PHACTR1: variants seen among roughly 807,000 people sequenced by gnomAD.
PHACTR1 encodes RPEL repeat containing 1.
PHACTR1 carries 16 observed loss-of-function variants against 69.2 expected under a neutral mutation model. The observed-to-expected ratio is 0.23, with a 90% CI of 0.16 to 0.35. The LOEUF (loss-of-function observed/expected upper bound fraction) is 0.35, where lower values mean the gene tolerates loss of function less well. PHACTR1 is among the 10% of genes least tolerant of loss of function. The pLI, the probability that PHACTR1 is intolerant of heterozygous loss-of-function variation, is 1.00. For synonymous variants in PHACTR1, 312 were observed against 284.5 expected (o/e 1.10, Z -0.97); for missense variants, 510 against 734.7 (o/e 0.69, Z 3.54).
chr6:12,832,814 A>G (rs1371908785), intron 4 of PHACTR1, among the ~76,000 whole-genome samples: 1 of 152,156 alleles, frequency 6.6e-6, no homozygotes, highest in Non-Finnish European at 1.5e-5. Flanking sequence ...GCACACAGAT[A>G]TATCAGTAAT....
At chr6:13,080,380 AGT>A in intron 5 of PHACTR1, among the ~76,000 whole-genome samples, 1 of 152,154 alleles carries the variant, frequency 6.6e-6, no homozygotes, top group Non-Finnish European at 1.5e-5. Flanking sequence ...ACCCTATTGA[AGT>A]TTTTACCCAG....
chr6:13,239,532 T>C (rs992537738), intron 10 of PHACTR1, among the ~76,000 whole-genome samples: 9 of 151,730 alleles, frequency 5.9e-5, no homozygotes, highest in African/African-American at 1.9e-4. Context: ...AAAAAATCAA[T>C]GGAAGGTGAG....
At chr6:12,895,191 T>C (rs1162758472) in intron 4 of PHACTR1, among the ~76,000 whole-genome samples, 1 of 146,770 alleles carries the variant, frequency 6.8e-6, no homozygotes, top group Non-Finnish European at 1.5e-5. Context: ...TTTTTTTTTT[T>C]TTTTTTTGAG....
intron 10 of PHACTR1, among the ~76,000 whole-genome samples, chr6:13,233,413 T>C (rs1371012756): frequency 6.6e-6 from 1 of 152,212 alleles, no homozygotes; most frequent in Admixed American, 6.5e-5. Flanking sequence ...AGGTGTATTA[T>C]TCAGTTTGCT....
At chr6:13,239,016 C>G (rs989143197) in intron 10 of PHACTR1, among the ~76,000 whole-genome samples, 1 of 152,176 alleles carries the variant, frequency 6.6e-6, no homozygotes, top group African/African-American at 2.4e-5. Flanking sequence ...CATCATCATC[C>G]TCCTCCTCAT....
chr6:13,229,182 C>A (rs1457990976), intron 9 of PHACTR1, among the ~76,000 whole-genome samples: 1 of 152,194 alleles, frequency 6.6e-6, no homozygotes, highest in Admixed American at 6.5e-5. Context: ...GCACTCCCGG[C>A]ATTTGGGACC....
intron 5 of PHACTR1, among the ~76,000 whole-genome samples, chr6:13,115,396 C>G (rs556028855): frequency 6.6e-6 from 1 of 152,234 alleles, no homozygotes; most frequent in African/African-American, 2.4e-5. Context: ...CTCCCTTTCT[C>G]TCTCTCTCTC....
chr6:12,956,489 C>T (rs1045069214), intron 4 of PHACTR1, among the ~76,000 whole-genome samples: 15 of 152,068 alleles, frequency 9.9e-5, no homozygotes, highest in Admixed American at 2.6e-4. Flanking sequence ...CTAGGACAGG[C>T]GTGGCTTCAA....
chr6:13,199,383 CAAAAAAAAAAAAAAAAA>C (rs59070503), intron 7 of PHACTR1, among the ~76,000 whole-genome samples: 3 of 78,212 alleles, frequency 3.8e-5, no homozygotes, highest in African/African-American at 6.1e-5. Context: ...GAGTCCATCT[CAAAAAAAAAAAAAAAAA>C]AAAAAAAAAA....
At chr6:12,720,420 C>T (rs927522275) in intron 3 of PHACTR1, among the ~76,000 whole-genome samples, 1 of 152,136 alleles carries the variant, frequency 6.6e-6, no homozygotes, top group Non-Finnish European at 1.5e-5. Flanking sequence ...CAAGATCTTA[C>T]GGAAGGAAAG....
chr6:13,069,852 G>C (rs1009087067), intron 5 of PHACTR1, among the ~76,000 whole-genome samples: 2 of 152,100 alleles, frequency 1.3e-5, no homozygotes, highest in African/African-American at 4.8e-5. Flanking sequence ...AACTTCATTT[G>C]ACAAGTGAGG....
At chr6:13,192,601 AT>A in intron 7 of PHACTR1, among the ~76,000 whole-genome samples, 1 of 152,230 alleles carries the variant, frequency 6.6e-6, no homozygotes, top group East Asian at 1.9e-4. Flanking sequence ...ATGTCTCTCA[AT>A]TGTTCCTGTG....
rs73722868 is a variant in PHACTR1 at position 12,819,634 on chromosome 6, A to C, written c.250+69844A>C. Among the ~76,000 whole-genome samples, 438 of 152,340 alleles carry C rather than the reference A, an allele frequency of 2.9e-3. 4 individuals are homozygous for C. The highest frequency in any genetic ancestry group is 0.01 in the African/African-American group (422 of 41,578). ...CCCAAGAAGTGTTGTTCTGATGACC[A>C]AATGAAATTGTGTTTGGGAAAGTGA... On this transcript the variant is annotated intron_variant, in intron 4 of 14. Coordinates refer to ENST00000332995, the MANE Select transcript of PHACTR1 (RefSeq NM_030948.6).
chr6:12,759,554 C>T (rs753028212), intron 4 of PHACTR1, among the ~76,000 whole-genome samples: 3 of 151,992 alleles, frequency 2.0e-5, no homozygotes, highest in Non-Finnish European at 4.4e-5. Context: ...GAGTAAGTAC[C>T]GACCTAGCCC....
At chr6:12,920,473 G>A (rs1038654795) in intron 4 of PHACTR1, among the ~76,000 whole-genome samples, 1 of 152,216 alleles carries the variant, frequency 6.6e-6, no homozygotes, top group African/African-American at 2.4e-5. Context: ...AAACTGTCAA[G>A]GAGTCTGACT....
chr6:12,828,438 T>G (rs1003906105), intron 4 of PHACTR1, among the ~76,000 whole-genome samples: 1 of 152,194 alleles, frequency 6.6e-6, no homozygotes, highest in African/African-American at 2.4e-5. Context: ...TATAAGAAAA[T>G]AATCATCAGA....
chr6:12,730,196 C>T (rs958512507), intron 3 of PHACTR1, among the ~76,000 whole-genome samples: 1 of 152,158 alleles, frequency 6.6e-6, no homozygotes, highest in African/African-American at 2.4e-5. Flanking sequence ...ACATTGGCCT[C>T]TGAATATGTG....
intron 8 of PHACTR1, among the ~76,000 whole-genome samples, chr6:13,215,734 A>G (rs1198489803): frequency 2.0e-5 from 3 of 152,230 alleles, no homozygotes; most frequent in African/African-American, 7.2e-5. Flanking sequence ...GACATATCCA[A>G]CTCTAACTGC....
At chr6:12,948,936 AG>A (rs1790967769) in intron 4 of PHACTR1, among the ~76,000 whole-genome samples, 1 of 152,214 alleles carries the variant, frequency 6.6e-6, no homozygotes, top group Admixed American at 6.5e-5. Context: ...ACATGCTTGA[AG>A]GTCAGATCAA....
Sources: gnomAD v4.1 joint callset for allele counts (sites outside exome capture counted in the v4.1 genomes callset) on GRCh38, gnomAD v4.1.1 for gene constraint, MANE v1.5 for transcripts, NCBI Gene and HGNC (gene_info 2026-07-23, HGNC 2026-07-21) for gene names.